The following PAK5 variants were observed in gnomAD, a reference collection of about 807,000 sequenced individuals.
PAK5 encodes p21 (RAC1) activated kinase 5, also known as serine/threonine-protein kinase PAK 5.
A neutral mutation model predicts 65.9 loss-of-function variants in PAK5; 16 were observed. The observed-to-expected ratio is 0.24, with a 90% confidence interval of 0.16 to 0.37. The LOEUF is 0.37. Among genes scored for constraint, PAK5 ranks in the 10% least tolerant of loss-of-function variants. PAK5 has a pLI of 1.00. For missense variants in PAK5, 785 were observed against 903.9 expected, an observed-to-expected ratio of 0.87 and a Z score of 1.69; for synonymous variants, 371 against 354.9, an observed-to-expected ratio of 1.05 and a Z score of -0.51.
intron 1 of PAK5, among the ~76,000 whole-genome samples, chr20:9,769,639 C>T (rs536297604): frequency 5.3e-5 from 8 of 152,250 alleles, no homozygotes; most frequent in African/African-American, 9.6e-5. Context: ...TCCCTTCAAG[C>T]CCGGTTAGAC....
chr20:9,804,519 A>G (rs1197705949), intron 1 of PAK5, among the ~76,000 whole-genome samples: 1 of 152,210 alleles, frequency 6.6e-6, no homozygotes, highest in Admixed American at 6.5e-5. Context: ...CACATACAAA[A>G]GAATAAATTT....
chr20:9,793,102 T>G (rs777541826), intron 1 of PAK5, among the ~76,000 whole-genome samples: 21 of 152,254 alleles, frequency 1.4e-4, no homozygotes, highest in South Asian at 4.1e-4. Flanking sequence ...GAAGAGTTTA[T>G]GTATCACATC....
chr20:9,669,498 T>C (rs1338848001), intron 2 of PAK5, among the ~76,000 whole-genome samples: 1 of 152,160 alleles, frequency 6.6e-6, no homozygotes, highest in African/African-American at 2.4e-5. Context: ...GACTAGAATT[T>C]CTTTTTGGAT....
At chr20:9,726,380 C>T (rs1295981823) in intron 1 of PAK5, among the ~76,000 whole-genome samples, 1 of 152,112 alleles carries the variant, frequency 6.6e-6, no homozygotes, top group Non-Finnish European at 1.5e-5. Flanking sequence ...GTTCAATTGA[C>T]TTAGAAACAT....
chr20:9,823,436 G>T (rs776457431), intron 1 of PAK5, among the ~76,000 whole-genome samples: 6 of 152,172 alleles, frequency 3.9e-5, no homozygotes, highest in Non-Finnish European at 5.9e-5. Flanking sequence ...TCAAGGGTGG[G>T]GCTAGGTGGA....
chr20:9,601,638 C>G (rs1213215357), intron 3 of PAK5, among the ~76,000 whole-genome samples: 1 of 152,172 alleles, frequency 6.6e-6, no homozygotes, highest in Non-Finnish European at 1.5e-5. Flanking sequence ...TTTTTAAGAG[C>G]CTCCCAGTAG....
At chr20:9,777,719 A>T (rs892622946) in intron 1 of PAK5, among the ~76,000 whole-genome samples, 2 of 152,212 alleles carry the variant, frequency 1.3e-5, no homozygotes, top group African/African-American at 4.8e-5. Context: ...TTGAAATATT[A>T]GCTAGAAAGG....
intron 4 of PAK5, among the ~76,000 whole-genome samples, chr20:9,571,877 G>GC (rs1026201679): frequency 2.7e-5 from 4 of 146,026 alleles, no homozygotes; most frequent in African/African-American, 5.1e-5. Flanking sequence ...TGAATGATGG[G>GC]GGGGGGGGAT....
Position 9,763,014 on chromosome 20 carries a change from C to G in PAK5, c.-161-51579G>C, listed in dbSNP as rs917534278. 3.9e-5 allele frequency among the ~76,000 whole-genome samples: 6 copies of G among 152,092 alleles called. 1 individual carries two copies. Among genetic ancestry groups the G allele is most frequent in the Admixed American group, 3.9e-4 (6 of 15,264 alleles). Reference sequence around the variant, plus strand: ...TATGCTAAGTGAAATAAGCCAGAGACAGAAATACAAATACTGTATGATCTC... The same window carrying G: ...TATGCTAAGTGAAATAAGCCAGAGAGAGAAATACAAATACTGTATGATCTC... On this transcript the variant is annotated intron_variant, in intron 1 of 9. Coordinates refer to ENST00000353224, the MANE Select transcript of PAK5 (RefSeq NM_177990.4).
chr20:9,615,033 T>C (rs750576773), intron 3 of PAK5, among the ~76,000 whole-genome samples: 2 of 152,126 alleles, frequency 1.3e-5, no homozygotes, highest in African/African-American at 2.4e-5. Context: ...TGAAAAGATA[T>C]GAAGGAAACA....
chr20:9,623,472 A>G (rs2046799741), intron 3 of PAK5, among the ~76,000 whole-genome samples: 1 of 152,206 alleles, frequency 6.6e-6, no homozygotes, highest in Admixed American at 6.5e-5. Context: ...AATCAAGTAG[A>G]TGAGTTATGA....
At chr20:9,598,263 T>A (rs780022820) in intron 3 of PAK5, among the ~76,000 whole-genome samples, 2 of 152,208 alleles carry the variant, frequency 1.3e-5, no homozygotes, top group African/African-American at 4.8e-5. Flanking sequence ...TCCAGCTTCA[T>A]CCATGTCCCT....
chr20:9,742,015 G>A (rs1398691684), intron 1 of PAK5, among the ~76,000 whole-genome samples: 7 of 152,142 alleles, frequency 4.6e-5, no homozygotes, highest in African/African-American at 1.4e-4. Flanking sequence ...GAGGTTGGAC[G>A]CTAACGGTGG....
intron 1 of PAK5, among the ~76,000 whole-genome samples, chr20:9,721,002 T>G (rs879796677): frequency 6.6e-6 from 1 of 152,102 alleles, no homozygotes; most frequent in African/African-American, 2.4e-5. Flanking sequence ...TTTGGAGCAA[T>G]GGAAATGTTT....
intron 3 of PAK5, among the ~76,000 whole-genome samples, chr20:9,599,153 G>C (rs76632659): frequency 6.6e-6 from 1 of 152,034 alleles, no homozygotes; most frequent in African/African-American, 2.4e-5. Context: ...ATTTCACTTC[G>C]CATAGTGTTT....
At chr20:9,578,749 G>A (rs1337518077) in intron 4 of PAK5, among the ~76,000 whole-genome samples, 1 of 152,124 alleles carries the variant, frequency 6.6e-6, no homozygotes, top group African/African-American at 2.4e-5. Context: ...ATGAGTTCAA[G>A]TAGATTTTGC....
At chr20:9,620,386 T>A (rs2046747132) in intron 3 of PAK5, among the ~76,000 whole-genome samples, 1 of 152,200 alleles carries the variant, frequency 6.6e-6, no homozygotes, top group African/African-American at 2.4e-5. Flanking sequence ...AGGAGGAGGA[T>A]TCTGGGACCA....
At chr20:9,629,977 T>C (rs959514657) in intron 3 of PAK5, among the ~76,000 whole-genome samples, 2 of 152,180 alleles carry the variant, frequency 1.3e-5, no homozygotes, top group African/African-American at 4.8e-5. Context: ...GAGAATCTTT[T>C]GTAATGTGAA....
At chr20:9,670,805 T>C (rs1418136032) in intron 2 of PAK5, among the ~76,000 whole-genome samples, 3 of 152,238 alleles carry the variant, frequency 2.0e-5, no homozygotes, top group Non-Finnish European at 4.4e-5. Flanking sequence ...ATTTTGGCTT[T>C]CGTTGCCATT....
Sources: allele counts gnomAD v4.1 joint callset (sites outside exome capture counted in the v4.1 genomes callset), GRCh38; gene constraint gnomAD v4.1.1; transcripts MANE v1.5; gene names NCBI Gene and HGNC (gene_info 2026-07-23, HGNC 2026-07-21).